Variants in KRT26 observed in about 807,000 individuals in gnomAD.
The protein encoded by KRT26 is keratin 26, also known as keratin, type I cytoskeletal 26.
A neutral mutation model predicts 46.1 loss-of-function variants in KRT26; 45 were observed. The ratio of observed to expected loss-of-function variants is 0.98; its 90% CI spans 0.77 to 1.25. KRT26 has a LOEUF of 1.25. KRT26 is among the 50% of genes most tolerant of loss of function. KRT26 has a pLI of 0.00. For missense variants in KRT26, 582 were observed against 560.1 expected, an observed-to-expected ratio of 1.04 and a Z score of -0.39; for synonymous variants, 191 against 209.9, an observed-to-expected ratio of 0.91 and a Z score of 0.78.
rs202090365 is a variant in KRT26, at chr17:40,769,895, C to G, written c.844-16G>C. 6.2e-7 allele frequency: 1 copy of G among 1,613,984 alleles called. No homozygotes were observed. ...GCGTTGCACTCTGAAGTGTAATTGTCGAAAGGGTTAGTGACTGGCCTGATT... is the reference window on the plus strand; with the variant it reads ...GCGTTGCACTCTGAAGTGTAATTGTGGAAAGGGTTAGTGACTGGCCTGATT... On this transcript the variant is annotated splice_polypyrimidine_tract_variant and intron_variant, in intron 4 of 7. Transcript: ENST00000335552.
chr17:40,770,308 A>G lies in KRT26; in HGVS notation c.626T>C (p.Ile209Thr), dbSNP rs753186513. 8.7e-6 allele frequency: 14 copies of G among 1,613,980 alleles called. No individual in the cohort carries two copies. In the South Asian group the frequency reaches 8.8e-5, roughly 10 times the overall value. Reference sequence around the variant, plus strand: ...TTCCTCACTGAGGGTCTCACACTGTATCTCCAGGTCGGTTGTACAAAGGGT... The same window carrying G: ...TTCCTCACTGAGGGTCTCACACTGTGTCTCCAGGTCGGTTGTACAAAGGGT... Residue 209 changes from isoleucine to threonine, a missense_variant, in exon 3 of 8, where the codon ATA becomes ACA. Ile to Thr is a moderately conservative substitution (Grantham distance 89). Coordinates refer to ENST00000335552, the Ensembl canonical transcript of KRT26.
At chr17:40,768,761 G>A (rs1051202619) in intron 6 of KRT26, 118 bp downstream of exon 6, 8 of 585,346 alleles carry the variant, frequency 1.4e-5, no homozygotes, top group Non-Finnish European at 2.1e-5. Flanking sequence ...CATTCCTGAG[G>A]ATAAATATGT....
Position 40,771,604 on chromosome 17 carries a change from T to C in KRT26, c.441+69A>G, listed in dbSNP as rs1597799457. 1.1e-5 allele frequency: 15 copies of C among 1,406,662 alleles called. No individual in the cohort carries two copies. In the South Asian group the frequency reaches 1.9e-4, roughly 18 times the overall value. The allele number at this position is 1,406,662 out of a possible 1,614,324, so 87.1% of individuals were successfully genotyped here. A position where few individuals can be genotyped will look rare whatever the true frequency, so the allele number is the denominator to read the frequency against. ...ACATAAATTTGTTAGGCACATTTTA[T>C]ATTTTCTCTTCTTTAAATTATCAAC... On this transcript the variant is annotated intron_variant, in intron 1 of 7. Coordinates refer to ENST00000335552, the Ensembl canonical transcript of KRT26.
chr17:40,770,482 A>G lies in KRT26; in HGVS notation c.525-73T>C, dbSNP rs188928120. The G allele has an allele frequency of 2.3e-4, 281 of 1,221,698 alleles. No homozygotes were observed. The African/African-American group carries it at 3.6e-3, about 16-fold the overall frequency. 75.7% of individuals were successfully genotyped at this position (1,221,698 alleles called of 1,614,324 possible). ...AAAGCACAACTTTTTAAGGTATTTC[A>G]TATGCTGAAAGATATGATGTTCTGT... On this transcript the variant is annotated intron_variant, in intron 2 of 7. Coordinates refer to ENST00000335552, the Ensembl canonical transcript of KRT26.
At chr17:40,771,302 T>C in intron 1 of KRT26, 66 bp from the exon 2 acceptor site, 1 of 803,908 alleles carries the variant, frequency 1.2e-6, no homozygotes, top group South Asian at 1.6e-5. Flanking sequence ...GACTTCAGTG[T>C]GATTTTATAT....
At position 40,770,136 on chromosome 17, in the gene KRT26, C is replaced by G; in HGVS notation, c.682-14G>C. 1.2e-6 allele frequency: 2 copies of G among 1,614,018 alleles called. No homozygotes were observed. ...GACTTCCATTTCCTAGAAAAGGGAT[C>G]GGTATTCATCCTCAGTGGAGGATTT... On this transcript the variant is annotated splice_polypyrimidine_tract_variant and intron_variant, in intron 3 of 7. Coordinates refer to ENST00000335552, the Ensembl canonical transcript of KRT26.
chr17:40,769,031 A>T (rs1416333734), exon 6 of KRT26: 1 of 1,614,024 alleles, frequency 6.2e-7, no homozygotes, highest in South Asian at 1.1e-5. Flanking sequence ...TCTGATCCTG[A>T]ATTTGCTGGA....
At chr17:40,771,545 G>A (rs1435053982) in intron 1 of KRT26, 128 bp downstream of exon 1, 1 of 778,604 alleles carries the variant, frequency 1.3e-6, no homozygotes. Context: ...ACTGTGCTTA[G>A]CACTGGAAAT....
chr17:40,766,466 T>C (rs757356628), exon 8 of KRT26: 33 of 1,372,972 alleles, frequency 2.4e-5, no homozygotes, highest in Admixed American at 4.7e-5. Context: ...CTTTCTTTCT[T>C]TCTCTCTCTC....
At position 40,770,416 on chromosome 17, in the gene KRT26, G is replaced by T; in HGVS notation, c.525-7C>A. 1 of 1,577,432 alleles carries T rather than the reference G, an allele frequency of 6.3e-7. No individual in the cohort carries two copies. The highest frequency in any genetic ancestry group is 8.6e-7 in the Non-Finnish European group (1 of 1,164,032). Reference sequence around the variant, plus strand: ...AGCCAGCTCATTTTCATACCTGAAAGATTAGTAAGGCACCTGAGAGTTGTC... The same window carrying T: ...AGCCAGCTCATTTTCATACCTGAAATATTAGTAAGGCACCTGAGAGTTGTC... On this transcript the variant is annotated splice_polypyrimidine_tract_variant and splice_region_variant and intron_variant, in intron 2 of 7. Transcript: ENST00000335552.
exon 1 of KRT26, chr17:40,771,806 G>C: frequency 1.2e-6 from 2 of 1,614,184 alleles, no homozygotes; most frequent in Non-Finnish European, 1.7e-6. Flanking sequence ...CTCCTCTAGA[G>C]CATGCACATG....
At chr17:40,769,075 A>C in exon 6 of KRT26, 1 of 1,613,544 alleles carries the variant, frequency 6.2e-7, no homozygotes, top group African/African-American at 1.3e-5. Flanking sequence ...GTCTCAGCCA[A>C]GGAGCATTCA....
At position 40,772,129 on chromosome 17, in the gene KRT26, G is replaced by T. The variant is rs1159980983; in HGVS notation, c.-16C>A. 4 of 1,608,654 alleles carry T rather than the reference G, an allele frequency of 2.5e-6. No homozygotes were observed. In the South Asian group the frequency reaches 3.3e-5, roughly 13 times the overall value. On this transcript the variant is annotated 5_prime_UTR_variant, in exon 1 of 8. Transcript: ENST00000335552. ...GAAAAGACATGGTGGCAGCACAGCC[G>T]GGCAACCCCTTCCCAGAAAGAGGAG...
rs1449994707 is a variant in KRT26, at chr17:40,770,327, A to G, written c.607T>C (p.Cys203Arg). The change falls in exon 3 of 8, where the codon TGT becomes CGT. Residue 203 changes from cysteine (C) to arginine (R), a missense_variant. Physicochemically the swap from Cys to Arg is radical, Grantham distance 180. Transcript: ENST00000335552. ...CACTGTATCTCCAGGTCGGTTGTAC[A>G]AAGGGTCAGTTCATCCAACACTCTG... is the stretch of plus-strand genomic sequence containing the variant. 1.1e-5 allele frequency: 18 copies of G among 1,613,998 alleles called. No homozygotes were observed. The highest frequency in any genetic ancestry group is 1.5e-5 in the Non-Finnish European group (18 of 1,179,994).
intron 7 of KRT26, 61 bp downstream of exon 7, chr17:40,767,524 CT>C (rs2038181144): frequency 4.1e-6 from 4 of 974,122 alleles, no homozygotes; most frequent in Non-Finnish European, 6.1e-6. Context: ...AAATAAGTAA[CT>C]TAGTTAACAC....
intron 2 of KRT26, 149 bp from the exon 3 acceptor site, chr17:40,770,558 T>C (rs545470723): frequency 1.5e-4 from 87 of 570,004 alleles, no homozygotes; most frequent in Middle Eastern, 9.3e-4. Context: ...TGGTTTGAGA[T>C]ACCTAACAAT....
intron 5 of KRT26, among the ~76,000 whole-genome samples, 155 bp downstream of exon 5, chr17:40,769,599 T>G (rs2038201566): frequency 6.6e-6 from 1 of 152,194 alleles, no homozygotes; most frequent in Non-Finnish European, 1.5e-5. Context: ...TTGGAATTGG[T>G]GAGTTTAGGG....
chr17:40,766,944 T>C (rs1210124358), intron 7 of KRT26, among the ~76,000 whole-genome samples: 1 of 152,214 alleles, frequency 6.6e-6, no homozygotes, highest in African/African-American at 2.4e-5. Flanking sequence ...TTCACCATGT[T>C]GACCAGGCTG....
chr17:40,766,497 CA>C, exon 8 of KRT26: 1 of 1,503,250 alleles, frequency 6.7e-7, no homozygotes, highest in Non-Finnish European at 8.9e-7. Context: ...TCTTTCTTTC[CA>C]AATAACTTTT....
Sources: gnomAD v4.1 joint callset for allele counts (sites outside exome capture counted in the v4.1 genomes callset) on GRCh38, gnomAD v4.1.1 for gene constraint, MANE v1.5 for transcripts, NCBI Gene and HGNC (gene_info 2026-07-23, HGNC 2026-07-21) for gene names.